The following ARHGAP26 variants were observed in gnomAD, a reference collection of about 807,000 sequenced individuals.
ARHGAP26 encodes the protein rho GTPase-activating protein 26.
A neutral mutation model predicts 104.8 loss-of-function variants in ARHGAP26; 38 were observed. The ratio of observed to expected loss-of-function variants is 0.36; its 90% CI spans 0.28 to 0.48. ARHGAP26 has a LOEUF of 0.48. ARHGAP26 is among the 20% of genes least tolerant of loss of function. The pLI, the probability that ARHGAP26 is intolerant of heterozygous loss-of-function variation, is 0.99. For missense variants in ARHGAP26, 704 were observed against 947.9 expected (o/e 0.74, Z 3.38); for synonymous variants, 341 against 340.0 (o/e 1.00, Z -0.03).
chr5:143,033,156 A>T (rs1047749837), intron 12 of ARHGAP26, among the ~76,000 whole-genome samples: 1 of 152,374 alleles, frequency 6.6e-6, no homozygotes, highest in African/African-American at 2.4e-5. Context: ...GAACTTAGAC[A>T]ACTAAGATAA....
intron 20 of ARHGAP26, among the ~76,000 whole-genome samples, chr5:143,193,240 CTTTTTTTTTTT>C (rs57462040): frequency 2.5e-4 from 19 of 74,588 alleles, no homozygotes; most frequent in African/African-American, 1.1e-3. Flanking sequence ...ATTTTCTTTT[CTTTTTTTTTTT>C]TTTTTTTTTT....
chr5:142,781,932 G>A (rs892831718), intron 1 of ARHGAP26, among the ~76,000 whole-genome samples: 1 of 152,106 alleles, frequency 6.6e-6, no homozygotes, highest in Non-Finnish European at 1.5e-5. Context: ...ACTCAGGATG[G>A]TCTCAATCTC....
chr5:142,983,564 C>T (rs558733568), intron 11 of ARHGAP26, among the ~76,000 whole-genome samples: 11 of 152,234 alleles, frequency 7.2e-5, no homozygotes, highest in African/African-American at 2.6e-4. Context: ...ATCCCAAAGT[C>T]TATAGAACAT....
intron 11 of ARHGAP26, among the ~76,000 whole-genome samples, chr5:142,993,607 A>G (rs1775968176): frequency 6.6e-6 from 1 of 151,606 alleles, no homozygotes; most frequent in Admixed American, 6.6e-5. Context: ...GCCCAGCCCT[A>G]AATTCATTTT....
At position 143,161,167 on chromosome 5, in the gene ARHGAP26, A is replaced by C. The variant is rs1801192264; in HGVS notation, c.1988+13786A>C. Among the ~76,000 whole-genome samples the C allele has an allele frequency of 2.6e-5, 4 of 151,968 alleles. No homozygotes were observed. The South Asian group carries it at 8.3e-4, about 32-fold the overall frequency. On this transcript the variant is annotated intron_variant, in intron 20 of 22. Coordinates refer to ENST00000645722, the MANE Select transcript of ARHGAP26 (RefSeq NM_001135608.3). ...GCTGGGATTACAGGCACGCAGCACC[A>C]CACCTGGCTAACTGTTGTATTTTTA...
At chr5:142,956,134 C>T (rs538745072) in intron 11 of ARHGAP26, among the ~76,000 whole-genome samples, 1 of 152,138 alleles carries the variant, frequency 6.6e-6, no homozygotes, top group South Asian at 2.1e-4. Flanking sequence ...TATCTGAGTC[C>T]CTGAAGTTAT....
intron 1 of ARHGAP26, among the ~76,000 whole-genome samples, chr5:142,846,172 G>C (rs1771905192): frequency 6.6e-6 from 1 of 152,218 alleles, no homozygotes; most frequent in African/African-American, 2.4e-5. Flanking sequence ...CTCATGTTGA[G>C]TTATATGCCA....
chr5:143,078,639 C>CA (rs1437210269), intron 17 of ARHGAP26, among the ~76,000 whole-genome samples: 4 of 152,182 alleles, frequency 2.6e-5, no homozygotes, highest in Non-Finnish European at 5.9e-5. Flanking sequence ...AGACAATTGA[C>CA]AATTGCTTCT....
chr5:143,186,352 G>T (rs1805133645), intron 20 of ARHGAP26, among the ~76,000 whole-genome samples: 2 of 152,040 alleles, frequency 1.3e-5, no homozygotes, highest in Admixed American at 6.6e-5. Context: ...CCCCAACCCT[G>T]TCCCCACTCC....
intron 4 of ARHGAP26, 125 bp downstream of exon 4, chr5:142,879,570 T>C (rs1756645401): frequency 1.1e-6 from 1 of 884,490 alleles, no homozygotes; most frequent in Non-Finnish European, 1.7e-6. Flanking sequence ...CTTCAGAAAA[T>C]CTTAGGCAGA....
At chr5:142,999,897 T>C (rs544246197) in intron 11 of ARHGAP26, among the ~76,000 whole-genome samples, 1 of 152,234 alleles carries the variant, frequency 6.6e-6, no homozygotes, top group South Asian at 2.1e-4. Context: ...ATATCCAGAA[T>C]GTATAGAGAA....
chr5:143,034,275 G>A (rs915288843), intron 12 of ARHGAP26, among the ~76,000 whole-genome samples: 1 of 152,122 alleles, frequency 6.6e-6, no homozygotes, highest in Non-Finnish European at 1.5e-5. Flanking sequence ...GAAAATACCA[G>A]TTCACACAGA....
At chr5:142,832,714 G>C (rs1768724368) in intron 1 of ARHGAP26, among the ~76,000 whole-genome samples, 1 of 152,208 alleles carries the variant, frequency 6.6e-6, no homozygotes. Context: ...GCAAGACACT[G>C]TGTTGGGCAT....
At chr5:142,907,434 C>T (rs992225313) in intron 8 of ARHGAP26, 44 of 205,552 alleles carry the variant, frequency 2.1e-4, no homozygotes, top group African/African-American at 9.9e-4. Flanking sequence ...CCTTTACTTC[C>T]GTTGTATTTT....
At chr5:142,833,360 C>T (rs1229327222) in intron 1 of ARHGAP26, among the ~76,000 whole-genome samples, 1 of 151,836 alleles carries the variant, frequency 6.6e-6, no homozygotes, top group East Asian at 1.9e-4. Flanking sequence ...TGTGCCTGGC[C>T]CTTTTATTCC....
At chr5:142,985,414 G>A (rs1598486943) in intron 11 of ARHGAP26, among the ~76,000 whole-genome samples, 1 of 152,178 alleles carries the variant, frequency 6.6e-6, no homozygotes, top group South Asian at 2.1e-4. Flanking sequence ...AGGCCTTCAT[G>A]TTCACCCACT....
rs532368430 is a variant in ARHGAP26 at position 142,865,013 on chromosome 5, C to A, written c.155-8387C>A. ...GTTCCCTCACTTGATTAGTCCCTCT[C>A]AAAATGGGTTTCTTTGTTTTCATTA... On this transcript the variant is annotated intron_variant, in intron 1 of 22. Coordinates refer to ENST00000645722, the MANE Select transcript of ARHGAP26 (RefSeq NM_001135608.3). Among the ~76,000 whole-genome samples, 435 of 152,334 alleles carry A rather than the reference C, an allele frequency of 2.9e-3. 2 individuals are homozygous for A. Among genetic ancestry groups the A allele is most frequent in the Non-Finnish European group, 4.5e-3 (304 of 68,028 alleles).
intron 17 of ARHGAP26, 29 bp downstream of exon 17, chr5:143,057,776 T>C (rs1786044443): frequency 6.4e-7 from 1 of 1,570,338 alleles, no homozygotes; most frequent in African/African-American, 1.4e-5. Context: ...ACTAGCCTTT[T>C]TCTTACCCCT....
At chr5:142,808,170 G>A (rs1244862585) in intron 1 of ARHGAP26, among the ~76,000 whole-genome samples, 2 of 136,076 alleles carry the variant, frequency 1.5e-5, no homozygotes, top group African/African-American at 5.2e-5. Flanking sequence ...GGGAGGCAGA[G>A]CTTGCAGCGA....
Sources: gnomAD v4.1 joint callset for allele counts (sites outside exome capture counted in the v4.1 genomes callset) on GRCh38, gnomAD v4.1.1 for gene constraint, MANE v1.5 for transcripts, NCBI Gene and HGNC (gene_info 2026-07-23, HGNC 2026-07-21) for gene names.